The following CDS1 variants were observed in gnomAD, a reference collection of about 807,000 sequenced individuals.
CDS1 encodes the protein phosphatidate cytidylyltransferase 1.
A neutral mutation model predicts 62.1 loss-of-function variants in CDS1; 41 were observed. The ratio of observed to expected loss-of-function variants is 0.66; its 90% CI spans 0.51 to 0.86. The LOEUF (loss-of-function observed/expected upper bound fraction) is 0.86. CDS1 is among the 40% of genes least tolerant of loss of function. The pLI is 0.00. For missense variants in CDS1, 470 were observed against 550.1 expected, an observed-to-expected ratio of 0.85 and a Z score of 1.46; for synonymous variants, 185 against 192.6, an observed-to-expected ratio of 0.96 and a Z score of 0.32.
intron 1 of CDS1, among the ~76,000 whole-genome samples, chr4:84,586,126 A>C (rs1722409967): frequency 6.6e-6 from 1 of 152,126 alleles, no homozygotes; most frequent in South Asian, 2.1e-4. Flanking sequence ...AGAGATAATG[A>C]AGGTCCTGAG....
At chr4:84,637,149 G>A (rs1578051230) in intron 8 of CDS1, among the ~76,000 whole-genome samples, 1 of 152,156 alleles carries the variant, frequency 6.6e-6, no homozygotes, top group South Asian at 2.1e-4. Context: ...GTGTTGGGCT[G>A]AGCTGTATAA....
At chr4:84,623,429 C>G (rs1173056532) in intron 5 of CDS1, among the ~76,000 whole-genome samples, 4 of 152,160 alleles carry the variant, frequency 2.6e-5, no homozygotes, top group Admixed American at 2.6e-4. Context: ...GTCTTGCCTT[C>G]CACCGGGCCC....
rs774692461 is a variant in CDS1 at position 84,651,073 on chromosome 4, C to G, written c.*2387C>G. 1 of 152,192 alleles carries G rather than the reference C, an allele frequency of 6.6e-6. No homozygotes were observed. The highest frequency in any genetic ancestry group is 1.5e-5 in the Non-Finnish European group (1 of 68,036). The allele number at this position is 152,192 out of a possible 1,614,324, so 9.4% of individuals were successfully genotyped here. A position where few individuals can be genotyped will look rare whatever the true frequency, so the allele number is the denominator to read the frequency against. Reference sequence around the variant, plus strand: ...GACCTGTGGGATGCACATTCTTCCTCAGCGCTTTTTCCTTGTTGTGGTGAC... The same window carrying G: ...GACCTGTGGGATGCACATTCTTCCTGAGCGCTTTTTCCTTGTTGTGGTGAC... On this transcript the variant is annotated 3_prime_UTR_variant, in exon 13 of 13. Coordinates refer to ENST00000295887, the MANE Select transcript of CDS1 (RefSeq NM_001263.4).
chr4:84,601,494 T>C (rs1243625735), intron 1 of CDS1, among the ~76,000 whole-genome samples: 1 of 152,164 alleles, frequency 6.6e-6, no homozygotes, highest in East Asian at 1.9e-4. Context: ...CATCCGTGTA[T>C]GGGGTCCATG....
intron 1 of CDS1, among the ~76,000 whole-genome samples, chr4:84,583,741 G>A (rs1187283734): frequency 6.6e-6 from 1 of 152,170 alleles, no homozygotes; most frequent in Non-Finnish European, 1.5e-5. Context: ...CCGCTGCCCG[G>A]GAGAAATGGG....
chr4:84,589,881 G>T (rs1450995894), intron 1 of CDS1, among the ~76,000 whole-genome samples: 1 of 152,158 alleles, frequency 6.6e-6, no homozygotes, highest in African/African-American at 2.4e-5. Flanking sequence ...CGCGACCTCG[G>T]CTCACTGCAA....
intron 6 of CDS1, among the ~76,000 whole-genome samples, chr4:84,632,851 C>T (rs116454474): frequency 0.012 from 1,880 of 152,304 alleles, 21 homozygotes; most frequent in Middle Eastern, 0.031. Context: ...GGCCAAGCGC[C>T]GATGGCTCAT....
chr4:84,601,877 C>T (rs886388205), intron 1 of CDS1, among the ~76,000 whole-genome samples: 5 of 152,170 alleles, frequency 3.3e-5, no homozygotes, highest in Admixed American at 1.3e-4. Context: ...TACACCACTG[C>T]ACTCCAGCCT....
At position 84,631,867 on chromosome 4, in the gene CDS1, A is replaced by C; in HGVS notation, c.629A>C (p.Gln210Pro). ...LSLVKKHYRL[Q>P]FYMFAWTHVT... is the part of the protein sequence containing the mutation. ...TTGGTGAAGAAACATTATCGTCTGC[A>C]GTTTTATATGGTGTGTATTAACTAT... Residue 210 changes from glutamine (Q) to proline (P), a missense_variant, in exon 6 of 13, where the codon CAG becomes CCG. This residue lies in a region of CDS1 where 214 missense variants were observed against 242.4 expected (regional missense o/e 0.88). Coordinates refer to ENST00000295887, the MANE Select transcript of CDS1 (RefSeq NM_001263.4). 6.2e-7 allele frequency: 1 copy of C among 1,607,376 alleles called. No individual in the cohort carries two copies. Among genetic ancestry groups the C allele is most frequent in the Non-Finnish European group, 8.5e-7 (1 of 1,174,094 alleles).
intron 8 of CDS1, among the ~76,000 whole-genome samples, chr4:84,635,780 G>A (rs1288492386): frequency 2.1e-5 from 3 of 139,920 alleles, no homozygotes; most frequent in Non-Finnish European, 3.1e-5. Flanking sequence ...TTTTGAAGAT[G>A]GGGTCTTGCT....
chr4:84,644,192 T>A (rs1724481812), intron 11 of CDS1, among the ~76,000 whole-genome samples: 1 of 152,126 alleles, frequency 6.6e-6, no homozygotes, highest in African/African-American at 2.4e-5. Context: ...TGCAATGCAG[T>A]ATACAAAAAT....
intron 3 of CDS1, among the ~76,000 whole-genome samples, chr4:84,611,544 A>T (rs1723324761): frequency 6.6e-6 from 1 of 152,148 alleles, no homozygotes; most frequent in Admixed American, 6.5e-5. Context: ...ATTAGACATG[A>T]TGAAAAAAAA....
chr4:84,635,521 G>A lies in CDS1; in HGVS notation c.810+170G>A, dbSNP rs191424064. Among the ~76,000 whole-genome samples, 732 of 151,032 alleles carry A rather than the reference G, an allele frequency of 4.8e-3. 7 individuals are homozygous for A. Among genetic ancestry groups the A allele is most frequent in the Non-Finnish European group, 4.8e-3 (328 of 67,792 alleles). ...CCATATTTCTCAGTACTTCCATCTG[G>A]GTTCTTCATCAGCTCTTCTGTTGGC... On this transcript the variant is annotated intron_variant, in intron 8 of 12. Coordinates refer to ENST00000295887, the MANE Select transcript of CDS1 (RefSeq NM_001263.4).
intron 2 of CDS1, among the ~76,000 whole-genome samples, chr4:84,607,025 T>C (rs879299178): frequency 6.6e-6 from 1 of 152,240 alleles, no homozygotes; most frequent in Non-Finnish European, 1.5e-5. Flanking sequence ...CACTCATTTT[T>C]AGTTCTGCCT....
chr4:84,614,480 A>G, intron 3 of CDS1, among the ~76,000 whole-genome samples: 1 of 152,318 alleles, frequency 6.6e-6, no homozygotes. Context: ...TAACACTATC[A>G]TGAACATATT....
At chr4:84,599,376 A>G (rs1722848340) in intron 1 of CDS1, among the ~76,000 whole-genome samples, 1 of 139,222 alleles carries the variant, frequency 7.2e-6, no homozygotes, top group African/African-American at 2.7e-5. Context: ...CATAGCAAAT[A>G]TAATTTGGCA....
intron 5 of CDS1, among the ~76,000 whole-genome samples, chr4:84,624,145 G>A (rs1225487501): frequency 6.6e-6 from 1 of 151,428 alleles, no homozygotes; most frequent in East Asian, 1.9e-4. Context: ...GTGGTGGTGG[G>A]CGCCTATAGT....
At chr4:84,617,402 A>G (rs1202541894) in intron 3 of CDS1, among the ~76,000 whole-genome samples, 162 bp from the exon 4 acceptor site, 1 of 152,138 alleles carries the variant, frequency 6.6e-6, no homozygotes, top group African/African-American at 2.4e-5. Flanking sequence ...TTATCACTTG[A>G]TTTTAGAGAC....
intron 1 of CDS1, among the ~76,000 whole-genome samples, chr4:84,603,837 C>T (rs968015465): frequency 2.6e-5 from 4 of 152,080 alleles, no homozygotes; most frequent in African/African-American, 7.2e-5. Flanking sequence ...ATGCTACGCT[C>T]GTGTAAGATA....
Sources: gnomAD v4.1 joint callset for allele counts (sites outside exome capture counted in the v4.1 genomes callset) on GRCh38, gnomAD v4.1.1 for gene constraint, gnomAD v4.1.1 regional missense constraint, MANE v1.5 for transcripts, NCBI Gene and HGNC (gene_info 2026-07-23, HGNC 2026-07-21) for gene names.